The following HERC2 variants were observed in gnomAD, a reference collection of about 807,000 sequenced individuals.
The protein encoded by HERC2 is E3 ubiquitin-protein ligase HERC2.
Under a neutral mutation model 537.7 loss-of-function variants are expected in HERC2, and 102 were observed. The ratio of observed to expected loss-of-function variants is 0.19; its 90% CI spans 0.16 to 0.22. HERC2 has a LOEUF of 0.22. Ranked by LOEUF, HERC2 falls within the 10% of genes least tolerant of loss-of-function variation. HERC2 has a pLI of 1.00. For synonymous variants in HERC2, 2,224 were observed against 2,466.2 expected (o/e 0.90, Z 2.91); for missense variants, 4,236 against 6,198.2 (o/e 0.68, Z 10.63).
intron 44 of HERC2, among the ~76,000 whole-genome samples, chr15:28,207,024 A>AG (rs1898554304): frequency 6.6e-6 from 1 of 151,870 alleles, no homozygotes; most frequent in African/African-American, 2.4e-5. Context: ...CAAAAAAAAA[A>AG]AAACTAGACT....
intron 20 of HERC2, 141 bp from the exon 21 acceptor site, chr15:28,248,877 G>A (rs1903981329): frequency 3.0e-6 from 2 of 668,472 alleles, no homozygotes; most frequent in Non-Finnish European, 2.5e-6. Flanking sequence ...CTCCCCAAGT[G>A]TGTCCAATGT....
chr15:28,229,342 G>T lies in HERC2; in HGVS notation c.5125C>A (p.Pro1709Thr), dbSNP rs745406026. The change falls in exon 34 of 93, where the codon CCT becomes ACT. Residue 1709 changes from proline (P) to threonine (T), a missense_variant. This residue lies in a region of HERC2 where 343 missense variants were observed against 417.2 expected (regional missense o/e 0.82). Coordinates refer to ENST00000261609, the MANE Select transcript of HERC2 (RefSeq NM_004667.6). ...LIPEGIDIGE[P>T]LTDCLKDVDL... ...ACATCCTTTAAACAATCAGTAAGAGGTTCCCTTTCAAATAAAGATAAAGAA... is the reference window on the plus strand; with the variant it reads ...ACATCCTTTAAACAATCAGTAAGAGTTTCCCTTTCAAATAAAGATAAAGAA... The T allele has an allele frequency of 6.2e-7, 1 of 1,612,712 alleles. No homozygotes were observed. Among genetic ancestry groups the T allele is most frequent in the Non-Finnish European group, 8.5e-7 (1 of 1,178,806 alleles).
intron 38 of HERC2, among the ~76,000 whole-genome samples, chr15:28,217,908 C>T (rs576257916): frequency 1.8e-4 from 28 of 152,100 alleles, no homozygotes; most frequent in Admixed American, 1.2e-3. Context: ...GTGGAAGAAG[C>T]ATGGCCCTGC....
intron 47 of HERC2, 36 bp from the exon 48 acceptor site, chr15:28,201,590 G>T (rs1175407376): frequency 7.6e-7 from 1 of 1,321,092 alleles, no homozygotes; most frequent in South Asian, 1.2e-5. Flanking sequence ...AAAAAAACAG[G>T]AGAACATGAT....
At chr15:28,149,467 G>A (rs555746295) in intron 70 of HERC2, among the ~76,000 whole-genome samples, 2 of 146,150 alleles carry the variant, frequency 1.4e-5, no homozygotes, top group Admixed American at 6.9e-5. Context: ...GAACGTCACC[G>A]AGAACGGCCA....
intron 45 of HERC2, chr15:28,204,045 C>A (rs964562461): frequency 4.6e-5 from 7 of 152,144 alleles, no homozygotes; most frequent in African/African-American, 1.7e-4. Flanking sequence ...TGGCACCAAG[C>A]CACCTCAGGA....
At position 28,246,847 on chromosome 15, in the gene HERC2, G is replaced by C; in HGVS notation, c.3286C>G (p.Leu1096Val). Residue 1096 changes from leucine (L) to valine (V), a missense_variant, in exon 22 of 93, where the codon CTG becomes GTG. Around this residue, in one of 27 missense-constraint regions of HERC2, gnomAD observed 754 missense variants for 1,085.0 expected, o/e 0.69. Coordinates refer to ENST00000261609, the MANE Select transcript of HERC2 (RefSeq NM_004667.6). Reference sequence around the variant, plus strand: ...AGTATATCTCCAATGTGCGTGCACAGGAGGGCTGTGTACTTCTTCAGCAAG... The same window carrying C: ...AGTATATCTCCAATGTGCGTGCACACGAGGGCTGTGTACTTCTTCAGCAAG... ...GSLLKKYTAL[L>V]CTHIGDILPV... The C allele has an allele frequency of 6.2e-7, 1 of 1,612,064 alleles. No individual in the cohort carries two copies.
rs150458870 is a variant in HERC2, at chr15:28,235,624, C to A, written c.4003+1339G>T. On this transcript the variant is annotated intron_variant, in intron 26 of 92. Coordinates refer to ENST00000261609, the MANE Select transcript of HERC2 (RefSeq NM_004667.6). ...CTTGACACTCCTGTGTTTTCTGCCC[C>A]GAATGCTCCCTCATGCAATTTCAGG... 4.1e-4 allele frequency among the ~76,000 whole-genome samples: 62 copies of A among 152,318 alleles called. No homozygotes were observed. In the East Asian group the frequency reaches 5.4e-3, roughly 13 times the overall value.
At chr15:28,231,543 A>G (rs1321346760) in intron 30 of HERC2, among the ~76,000 whole-genome samples, 1 of 152,140 alleles carries the variant, frequency 6.6e-6, no homozygotes, top group Non-Finnish European at 1.5e-5. Flanking sequence ...TGGCCTGGTT[A>G]ACAATTCTTC....
At chr15:28,269,001 G>A (rs866535754) in intron 11 of HERC2, among the ~76,000 whole-genome samples, 5 of 152,208 alleles carry the variant, frequency 3.3e-5, no homozygotes, top group East Asian at 1.9e-4. Context: ...GAGTTTACAC[G>A]TGGAAATGAG....
Position 28,179,223 on chromosome 15 carries a change from T to C in HERC2, c.8938A>G (p.Ile2980Val). ...DQLGGLKGSK[I>V]KVPSFSETLS... ...GTCTCAGAGAACGAAGGAACCTTTA[T>C]CTACAACAGAATTTTTTTAACAAAA... The change falls in exon 58 of 93, where the codon ATA (isoleucine) becomes GTA (valine). Residue 2980 changes from isoleucine to valine, a missense_variant and splice_region_variant. Coordinates refer to ENST00000261609, the MANE Select transcript of HERC2 (RefSeq NM_004667.6). 6.3e-7 allele frequency: 1 copy of C among 1,585,436 alleles called. No homozygotes were observed.
chr15:28,278,084 A>C (rs1025457315), intron 5 of HERC2, among the ~76,000 whole-genome samples: 9 of 151,642 alleles, frequency 5.9e-5, no homozygotes, highest in Admixed American at 5.3e-4. Flanking sequence ...GGCAAAACCC[A>C]ATCTATACAA....
intron 69 of HERC2, among the ~76,000 whole-genome samples, chr15:28,157,901 C>G (rs1430089204): frequency 6.6e-6 from 1 of 152,178 alleles, no homozygotes; most frequent in Non-Finnish European, 1.5e-5. Context: ...TCCCTCTACA[C>G]ACTGCTTTAA....
At chr15:28,132,336 G>C in intron 80 of HERC2, 75 bp from the exon 81 acceptor site, 1 of 1,355,854 alleles carries the variant, frequency 7.4e-7, no homozygotes, top group South Asian at 1.5e-5. Context: ...TCACAACACT[G>C]CCATTCTTTT....
intron 70 of HERC2, 33 bp from the exon 71 acceptor site, chr15:28,146,377 C>A (rs775663799): frequency 7.0e-7 from 1 of 1,419,990 alleles, no homozygotes; most frequent in Admixed American, 1.7e-5. Flanking sequence ...ACATAGCAAC[C>A]ACTCCAGATC....
chr15:28,141,613 G>A lies in HERC2; in HGVS notation c.11834C>T (p.Thr3945Ile). ...QWMNRRPDDW[T>I]LSAGGSGTIY... is the part of the protein sequence containing the mutation. The stretch of plus-strand genomic sequence containing the variant: ...TGTTCCACTGCCACCAGCAGAGAGA[G>A]TCCAGTCATCTGGTCGCCTACAATA... The change falls in exon 78 of 93, where the codon ACT becomes ATT. Residue 3945 changes from threonine (T) to isoleucine (I), a missense_variant. Thr to Ile is a moderately conservative substitution (Grantham distance 89, BLOSUM62 -1). Around this residue, in one of 27 missense-constraint regions of HERC2, gnomAD observed 156 missense variants for 172.3 expected, o/e 0.91. Coordinates refer to ENST00000261609, the MANE Select transcript of HERC2 (RefSeq NM_004667.6). The A allele has an allele frequency of 6.2e-7, 1 of 1,614,202 alleles. No individual in the cohort carries two copies. Among genetic ancestry groups the A allele is most frequent in the Non-Finnish European group, 8.5e-7 (1 of 1,180,046 alleles).
chr15:28,139,713 G>A (rs142429456), intron 78 of HERC2, among the ~76,000 whole-genome samples: 197 of 152,282 alleles, frequency 1.3e-3, no homozygotes, highest in African/African-American at 4.6e-3. Flanking sequence ...TCCAAAGAAT[G>A]TAAGTTTGTT....
intron 71 of HERC2, 52 bp from the exon 72 acceptor site, chr15:28,144,856 A>G: frequency 6.2e-7 from 1 of 1,610,708 alleles, no homozygotes; most frequent in East Asian, 2.2e-5. Context: ...CATCCAATCA[A>G]CACAAACCTT....
intron 10 of HERC2, 119 bp from the exon 11 acceptor site, chr15:28,269,555 C>T (rs2075662781): frequency 2.6e-6 from 2 of 756,934 alleles, no homozygotes; most frequent in African/African-American, 1.8e-5. Flanking sequence ...TATGCTGATT[C>T]AAAACATCAA....
Sources: allele counts gnomAD v4.1 joint callset (sites outside exome capture counted in the v4.1 genomes callset), GRCh38; gene constraint gnomAD v4.1.1; regional missense constraint gnomAD v4.1.1; transcripts MANE v1.5; gene names NCBI Gene and HGNC (gene_info 2026-07-23, HGNC 2026-07-21).